MINDY3: variants seen among roughly 807,000 people sequenced by gnomAD.
The protein encoded by MINDY3 is ubiquitin carboxyl-terminal hydrolase MINDY-3.
MINDY3 carries 38 observed loss-of-function variants against 69.2 expected under a neutral mutation model. That is an observed-to-expected ratio of 0.55 (90% CI 0.42 to 0.72). MINDY3 has a LOEUF of 0.72. MINDY3 is among the 30% of genes least tolerant of loss of function. The pLI is 0.00. For missense variants in MINDY3, 522 were observed against 519.0 expected (o/e 1.01, Z -0.06); for synonymous variants, 192 against 180.1 (o/e 1.07, Z -0.53).
chr10:15,811,301 T>C (rs116637212), intron 10 of MINDY3, among the ~76,000 whole-genome samples: 3,068 of 152,262 alleles, frequency 0.02, 94 homozygotes, highest in African/African-American at 0.067. Context: ...CAATATACTA[T>C]ACTACTTTCA....
chr10:15,851,250 T>C (rs940461738), intron 1 of MINDY3, among the ~76,000 whole-genome samples: 1 of 152,154 alleles, frequency 6.6e-6, no homozygotes, highest in Non-Finnish European at 1.5e-5. Flanking sequence ...TTTTCCTGAG[T>C]AATCTCATCT....
intron 1 of MINDY3, 60 bp downstream of exon 1, chr10:15,860,146 G>C: frequency 1.6e-6 from 2 of 1,285,944 alleles, no homozygotes; most frequent in African/African-American, 2.9e-5. Flanking sequence ...GGCGTCACAG[G>C]CGGACTCTCG....
intron 10 of MINDY3, among the ~76,000 whole-genome samples, chr10:15,811,273 A>G (rs1249152604): frequency 2.6e-5 from 4 of 152,212 alleles, no homozygotes; most frequent in Non-Finnish European, 4.4e-5. Context: ...GAAAAATGCT[A>G]TAATTTTAAA....
intron 8 of MINDY3, among the ~76,000 whole-genome samples, chr10:15,833,426 T>A (rs11253659): frequency 0.025 from 3,871 of 152,290 alleles, 164 homozygotes; most frequent in African/African-American, 0.089. Context: ...AAGTCATACA[T>A]TTGGGATTTG....
At position 15,778,828 on chromosome 10, in the gene MINDY3, G is replaced by C. The variant is rs1335465336; in HGVS notation, c.*164C>G. 1 of 566,108 alleles carries C rather than the reference G, an allele frequency of 1.8e-6. No individual in the cohort carries two copies. Among genetic ancestry groups the C allele is most frequent in the African/African-American group, 1.9e-5 (1 of 52,542 alleles). The allele number at this position is 566,108 out of a possible 1,614,324, so 35.1% of individuals were successfully genotyped here. On this transcript the variant is annotated 3_prime_UTR_variant, in exon 15 of 15. Transcript: ENST00000277632. ...GGATAATCTTTAACATAAAGCTTTA[G>C]GACAAATAATTTAAACATATCATAA...
chr10:15,835,745 A>G (rs922068175), intron 6 of MINDY3, among the ~76,000 whole-genome samples: 1 of 152,142 alleles, frequency 6.6e-6, no homozygotes, highest in Non-Finnish European at 1.5e-5. Flanking sequence ...TACTCCGAAC[A>G]TCTACACAAC....
chr10:15,820,322 A>G (rs546020453), intron 9 of MINDY3, among the ~76,000 whole-genome samples: 1 of 152,250 alleles, frequency 6.6e-6, no homozygotes, highest in Non-Finnish European at 1.5e-5. Flanking sequence ...GGAGCACAGC[A>G]GTAGAGAAAG....
chr10:15,804,345 A>G (rs1166936995), intron 10 of MINDY3, among the ~76,000 whole-genome samples: 2 of 152,074 alleles, frequency 1.3e-5, no homozygotes, highest in Non-Finnish European at 2.9e-5. Context: ...GTAACTATTC[A>G]CTATTCACCA....
At chr10:15,786,694 A>G (rs1836996060) in intron 12 of MINDY3, 46 bp from the exon 13 acceptor site, 2 of 1,160,886 alleles carry the variant, frequency 1.7e-6, no homozygotes, top group Non-Finnish European at 2.5e-6. Context: ...AGGAAAAAAA[A>G]AAGCTGCTTT....
chr10:15,850,517 G>A (rs1381683260), intron 1 of MINDY3, among the ~76,000 whole-genome samples: 4 of 152,140 alleles, frequency 2.6e-5, no homozygotes, highest in Admixed American at 6.5e-5. Flanking sequence ...TGGCCGCTCG[G>A]GGAGTGTCTT....
intron 2 of MINDY3, among the ~76,000 whole-genome samples, chr10:15,844,010 T>C (rs1052419930): frequency 3.9e-5 from 6 of 152,148 alleles, no homozygotes; most frequent in Non-Finnish European, 7.4e-5. Context: ...TTTCCTCACC[T>C]GTGTTTGAAA....
intron 11 of MINDY3, among the ~76,000 whole-genome samples, chr10:15,791,890 G>A (rs1193061287): frequency 6.6e-6 from 1 of 152,070 alleles, no homozygotes; most frequent in Non-Finnish European, 1.5e-5. Flanking sequence ...AAACAGGAGA[G>A]CCTAGCAGGT....
chr10:15,850,544 G>A (rs1211019649), intron 1 of MINDY3, among the ~76,000 whole-genome samples: 1 of 152,140 alleles, frequency 6.6e-6, no homozygotes, highest in African/African-American at 2.4e-5. Context: ...TTGTAGATAA[G>A]GGACGAAATA....
chr10:15,831,953 G>C (rs922267565), intron 8 of MINDY3, among the ~76,000 whole-genome samples: 2 of 152,124 alleles, frequency 1.3e-5, no homozygotes, highest in African/African-American at 4.8e-5. Context: ...TGGGACTACA[G>C]GCATGAGCCA....
At chr10:15,830,418 G>A (rs969873179) in intron 8 of MINDY3, among the ~76,000 whole-genome samples, 3 of 152,212 alleles carry the variant, frequency 2.0e-5, no homozygotes, top group African/African-American at 7.2e-5. Context: ...GAAGCATCTT[G>A]TTTAATTCCA....
intron 9 of MINDY3, 39 bp downstream of exon 9, chr10:15,821,617 A>G (rs1839769842): frequency 6.6e-7 from 1 of 1,517,080 alleles, no homozygotes; most frequent in South Asian, 1.2e-5. Flanking sequence ...GTGGACATCT[A>G]AACAAAAAAC....
At chr10:15,847,439 T>G (rs951965172) in intron 2 of MINDY3, among the ~76,000 whole-genome samples, 2 of 152,228 alleles carry the variant, frequency 1.3e-5, no homozygotes, top group African/African-American at 4.8e-5. Context: ...TTTTTCAAAT[T>G]TGAAAAAGTT....
chr10:15,804,089 TTTACA>T (rs1838457295), intron 10 of MINDY3, among the ~76,000 whole-genome samples: 3 of 152,172 alleles, frequency 2.0e-5, no homozygotes, highest in Admixed American at 6.5e-5. Context: ...AAAGCAGTTC[TTTACA>T]TTAGTCTGAT....
chr10:15,789,063 A>G, intron 12 of MINDY3, 184 bp downstream of exon 12: 1 of 425,450 alleles, frequency 2.4e-6, no homozygotes. Context: ...AGGAAACTCA[A>G]TTTAAGTATG....
Sources: gnomAD v4.1 joint callset for allele counts (sites outside exome capture counted in the v4.1 genomes callset) on GRCh38, gnomAD v4.1.1 for gene constraint, MANE v1.5 for transcripts, NCBI Gene and HGNC (gene_info 2026-07-23, HGNC 2026-07-21) for gene names.